The following PPP2R5C variants were observed in gnomAD, a reference collection of about 807,000 sequenced individuals.
PPP2R5C encodes the protein serine/threonine-protein phosphatase 2A 56 kDa regulatory subunit gamma isoform.
Under a neutral mutation model 68.9 loss-of-function variants are expected in PPP2R5C, and 7 were observed. The observed-to-expected ratio is 0.10, with a 90% confidence interval of 0.06 to 0.19. The LOEUF (loss-of-function observed/expected upper bound fraction) is 0.19. Ranked by LOEUF, PPP2R5C falls within the 10% of genes least tolerant of loss-of-function variation. The pLI, the probability that PPP2R5C is intolerant of heterozygous loss-of-function variation, is 1.00. For missense variants in PPP2R5C, 348 were observed against 641.3 expected (o/e 0.54, Z 4.94); for synonymous variants, 210 against 222.2 (o/e 0.95, Z 0.49).
intron 1 of PPP2R5C, among the ~76,000 whole-genome samples, chr14:101,823,469 C>T (rs985656002): frequency 6.6e-6 from 1 of 152,142 alleles, no homozygotes; most frequent in Non-Finnish European, 1.5e-5. Context: ...AATTCGGTAC[C>T]CTCTCCCCCA....
intron 3 of PPP2R5C, among the ~76,000 whole-genome samples, chr14:101,801,441 T>G (rs1034178979): frequency 5.9e-5 from 9 of 152,244 alleles, no homozygotes; most frequent in African/African-American, 2.2e-4. Context: ...ATTTTATTTC[T>G]GATTACACAC....
chr14:101,847,446 C>T (rs564109732), intron 1 of PPP2R5C, among the ~76,000 whole-genome samples: 2 of 152,260 alleles, frequency 1.3e-5, no homozygotes, highest in Non-Finnish European at 2.9e-5. Flanking sequence ...TGCAGCCTCT[C>T]CTCAGCTGTG....
At position 101,797,448 on chromosome 14, in the gene PPP2R5C, T is replaced by A. The variant is rs1381938866; in HGVS notation, c.259+11265T>A. 1 of 372,740 alleles carries A rather than the reference T, an allele frequency of 2.7e-6. No individual in the cohort carries two copies. The highest frequency in any genetic ancestry group is 2.1e-5 in the African/African-American group (1 of 47,610). The allele number at this position is 372,740 out of a possible 1,614,324, so 23.1% of individuals were successfully genotyped here. ...CCCAGGAAACACACAGTGTGTCTCC[T>A]GAAGGAATGAAAAGCCCTCCTGGCC... On this transcript the variant is annotated intron_variant, in intron 3 of 14. Coordinates refer to the PPP2R5C transcript ENST00000328724. This position sits in a 1 kb window ranked among gnomAD's most constrained non-coding sequence, Gnocchi z 4.2.
chr14:101,906,052 A>G lies in PPP2R5C; in HGVS notation c.1024-350A>G, dbSNP rs1044260848. 2.0e-5 allele frequency among the ~76,000 whole-genome samples: 3 copies of G among 152,236 alleles called. No homozygotes were observed. The highest frequency in any genetic ancestry group is 7.2e-5 in the African/African-American group (3 of 41,460). On this transcript the variant is annotated intron_variant, in intron 9 of 13. Coordinates refer to ENST00000334743, the Ensembl canonical transcript of PPP2R5C. This position sits in a 1 kb window ranked among gnomAD's most constrained non-coding sequence, Gnocchi z 4.0. The stretch of plus-strand genomic sequence containing the variant: ...CAGTGCTGAATGCTCAGCAGAACAC[A>G]GCACGCCCTCTTGACCTGACAGATG...
chr14:101,803,697 T>A (rs2038963099), intron 3 of PPP2R5C, among the ~76,000 whole-genome samples: 1 of 149,104 alleles, frequency 6.7e-6, no homozygotes, highest in Non-Finnish European at 1.5e-5. Flanking sequence ...GCACTTGCAC[T>A]CCAGCCTGGA....
intron 1 of PPP2R5C, among the ~76,000 whole-genome samples, chr14:101,762,133 C>T (rs539569352): frequency 0.01 from 1,548 of 151,562 alleles, 29 homozygotes; most frequent in African/African-American, 0.035. Flanking sequence ...CGCGCCGGAG[C>T]CGCGGGGCGC....
intron 1 of PPP2R5C, among the ~76,000 whole-genome samples, chr14:101,821,352 T>A (rs1477764358): frequency 6.6e-6 from 1 of 150,696 alleles, no homozygotes; most frequent in East Asian, 2.0e-4. Context: ...CCTTATCCCC[T>A]GAGATTGGTC....
Position 101,906,497 on chromosome 14 carries a change from C to T in PPP2R5C, c.1119C>T (p.Ser373=), listed in dbSNP as rs1385417147. The stretch of plus-strand genomic sequence containing the variant: ...AGATTCTGCCCATCATGTTTCCTTC[C>T]TTGTACCGCAACTCAAAGACCCATT... The change falls in exon 10 of 14, where the codon TCC becomes TCT. Residue 373 remains serine, a synonymous_variant. Coordinates refer to ENST00000334743, the Ensembl canonical transcript of PPP2R5C. The surrounding 1 kb of genome is among the most constrained non-coding windows in gnomAD (Gnocchi z 4.0). 1.2e-6 allele frequency: 2 copies of T among 1,613,146 alleles called. No homozygotes were observed. Among genetic ancestry groups the T allele is most frequent in the African/African-American group, 1.3e-5 (1 of 74,870 alleles).
chr14:101,799,540 GA>G (rs1034173473), intron 3 of PPP2R5C, among the ~76,000 whole-genome samples: 2 of 152,220 alleles, frequency 1.3e-5, no homozygotes, highest in African/African-American at 4.8e-5. Flanking sequence ...AGCAGGTGAT[GA>G]AAACCTGGCC....
rs2036563159 is a variant in PPP2R5C, at chr14:101,761,921, G to C, written c.27+1G>C. ...GCCGAATAAAAACAAGAAGGAGAAA[G>C]TGAGTCCGGGCCCGGCCGCGGGACG... On this transcript the variant is annotated splice_donor_variant, in intron 1 of 14. Coordinates refer to the PPP2R5C transcript ENST00000328724. LOFTEE classifies it high-confidence loss of function. 8.4e-7 allele frequency: 1 copy of C among 1,192,896 alleles called. No homozygotes were observed. Among genetic ancestry groups the C allele is most frequent in the Non-Finnish European group, 1.0e-6 (1 of 953,906 alleles). The allele number at this position is 1,192,896 out of a possible 1,614,324, so 73.9% of individuals were successfully genotyped here. A position where few individuals can be genotyped will look rare whatever the true frequency, so the allele number is the denominator to read the frequency against.
At chr14:101,850,180 G>A (rs1595371358) in intron 1 of PPP2R5C, among the ~76,000 whole-genome samples, 1 of 152,188 alleles carries the variant, frequency 6.6e-6, no homozygotes, top group African/African-American at 2.4e-5. Context: ...CGTTCTCACT[G>A]CTCCTCTCAG....
At chr14:101,861,112 T>C (rs2042710672) in intron 2 of PPP2R5C, among the ~76,000 whole-genome samples, 1 of 152,230 alleles carries the variant, frequency 6.6e-6, no homozygotes. Context: ...GCAAAACTAA[T>C]TGTAGCTTTT....
chr14:101,815,497 GC>G (rs1016115846), intron 1 of PPP2R5C, among the ~76,000 whole-genome samples: 8 of 152,138 alleles, frequency 5.3e-5, no homozygotes, highest in Non-Finnish European at 1.0e-4. Flanking sequence ...AAATCTGCCA[GC>G]TAGTAACTGT....
chr14:101,868,390 G>A (rs556099802), intron 2 of PPP2R5C, among the ~76,000 whole-genome samples: 8 of 152,154 alleles, frequency 5.3e-5, no homozygotes, highest in East Asian at 1.9e-4. Context: ...AAACAAATAC[G>A]AAAGCATTTT....
intron 9 of PPP2R5C, among the ~76,000 whole-genome samples, chr14:101,905,113 G>A (rs1420598593): frequency 6.6e-6 from 1 of 152,248 alleles, no homozygotes; most frequent in Non-Finnish European, 1.5e-5. Context: ...CAGCACTTTG[G>A]GAGGCCAAGG....
At chr14:101,848,125 T>A (rs945501820) in intron 1 of PPP2R5C, among the ~76,000 whole-genome samples, 18 of 152,152 alleles carry the variant, frequency 1.2e-4, no homozygotes, top group African/African-American at 4.3e-4. Context: ...TTTATATAAA[T>A]AGAAAAAAAT....
At chr14:101,847,579 C>T (rs930371400) in intron 1 of PPP2R5C, among the ~76,000 whole-genome samples, 1 of 151,910 alleles carries the variant, frequency 6.6e-6, no homozygotes, top group Non-Finnish European at 1.5e-5. Flanking sequence ...CAGTGCCTAG[C>T]ACAGTGCCTG....
chr14:101,787,347 A>G (rs2140073645), intron 3 of PPP2R5C, among the ~76,000 whole-genome samples: 1 of 152,058 alleles, frequency 6.6e-6, no homozygotes, highest in South Asian at 2.1e-4. Flanking sequence ...AGCAGATAGC[A>G]GATTTGCCAG....
At chr14:101,856,918 G>C (rs368024424) in intron 2 of PPP2R5C, 33 bp downstream of exon 4, 17 of 1,594,884 alleles carry the variant, frequency 1.1e-5, no homozygotes, top group Non-Finnish European at 1.5e-5. Flanking sequence ...GTGTGTCCCA[G>C]TTCTGATTTA....
Sources: allele counts gnomAD v4.1 joint callset (sites outside exome capture counted in the v4.1 genomes callset), GRCh38; gene constraint gnomAD v4.1.1; non-coding constraint Gnocchi (gnomAD v3.1); transcripts MANE v1.5; gene names NCBI Gene and HGNC (gene_info 2026-07-23, HGNC 2026-07-21).